Variants in SULF2 observed in about 807,000 individuals in gnomAD.
SULF2 encodes sulfatase 2, also known as extracellular sulfatase Sulf-2.
Under a neutral mutation model 107.7 loss-of-function variants are expected in SULF2, and 52 were observed. The ratio of observed to expected loss-of-function variants is 0.48; its 90% CI spans 0.39 to 0.61. The LOEUF (loss-of-function observed/expected upper bound fraction) is 0.61. SULF2 is among the 20% of genes least tolerant of loss of function. The pLI is 0.00. For synonymous variants in SULF2, 460 were observed against 464.3 expected (o/e 0.99, Z 0.12); for missense variants, 993 against 1,177.3 (o/e 0.84, Z 2.29).
At position 47,678,726 on chromosome 20, in the gene SULF2, C is replaced by G; in HGVS notation, c.1143G>C (p.Met381Ile). ...DIAGLDIPAD[M>I]DGKSILKLLD... ...GCAGCTTGAGGATGGATTTCCCGTC[C>G]ATATCCGCAGGTATGTCCAGGCCTG... The change falls in exon 8 of 21, where the codon ATG becomes ATC. Residue 381 changes from methionine (M) to isoleucine (I), a missense_variant. Coordinates refer to ENST00000688720, the MANE Select transcript of SULF2 (RefSeq NM_001387048.1). The surrounding 1 kb of genome is among the most constrained non-coding windows in gnomAD (Gnocchi z 4.5). 6.2e-7 allele frequency: 1 copy of G among 1,614,050 alleles called. No individual in the cohort carries two copies. Among genetic ancestry groups the G allele is most frequent in the Non-Finnish European group, 8.5e-7 (1 of 1,180,022 alleles).
intron 11 of SULF2, among the ~76,000 whole-genome samples, chr20:47,669,883 G>A (rs922858300): frequency 7.2e-5 from 11 of 152,214 alleles, no homozygotes; most frequent in Non-Finnish European, 1.5e-4. Flanking sequence ...AAAGATTATC[G>A]ACTGTGCCAC....
chr20:47,701,846 C>T (rs1034835769), intron 4 of SULF2, among the ~76,000 whole-genome samples: 21 of 151,990 alleles, frequency 1.4e-4, no homozygotes, highest in East Asian at 1.2e-3. Flanking sequence ...GGTGTCGAGT[C>T]GGGGGAATTC....
chr20:47,729,085 T>C (rs1410765200), intron 3 of SULF2, among the ~76,000 whole-genome samples: 1 of 152,162 alleles, frequency 6.6e-6, no homozygotes, highest in Non-Finnish European at 1.5e-5. Context: ...AAGGAAGGCT[T>C]CTTTGAGGAG....
chr20:47,728,644 TTTTA>T (rs142924006), intron 3 of SULF2, among the ~76,000 whole-genome samples: 15,806 of 152,040 alleles, frequency 0.1, 841 homozygotes, highest in African/African-American at 0.13. Flanking sequence ...GGAGCTGGCA[TTTTA>T]TTTATTTATT....
At chr20:47,704,394 T>C (rs2088663270) in intron 3 of SULF2, among the ~76,000 whole-genome samples, 1 of 151,960 alleles carries the variant, frequency 6.6e-6, no homozygotes, top group Non-Finnish European at 1.5e-5. Flanking sequence ...CACCTCATCC[T>C]CCCGAGTAGC....
At chr20:47,684,380 G>A (rs117775740) in intron 6 of SULF2, 51 bp downstream of exon 6, 34,642 of 1,547,352 alleles carry the variant, frequency 0.022, 446 homozygotes, top group Non-Finnish European at 0.028. Flanking sequence ...GCCCTGGCCT[G>A]GCTGGGGGTT....
chr20:47,672,350 T>G lies in SULF2; in HGVS notation c.1424A>C (p.His475Pro). The part of the protein sequence containing the change: ...VEDATGKLKL[H>P]KCKGPMRLGG... ...CAGCCGCATGGGGCCCTTGCACTTATGCAGCTTCAGCTTCCCCGTGGCGTC... is the reference window on the plus strand; with the variant it reads ...CAGCCGCATGGGGCCCTTGCACTTAGGCAGCTTCAGCTTCCCCGTGGCGTC... The change falls in exon 11 of 21, where the codon CAT becomes CCT. Residue 475 changes from histidine to proline, a missense_variant. Coordinates refer to ENST00000688720, the MANE Select transcript of SULF2 (RefSeq NM_001387048.1). 6.2e-7 allele frequency: 1 copy of G among 1,613,064 alleles called. No individual in the cohort carries two copies. The highest frequency in any genetic ancestry group is 1.1e-5 in the South Asian group (1 of 91,080).
intron 1 of SULF2, among the ~76,000 whole-genome samples, chr20:47,781,846 C>T (rs2090838967): frequency 6.6e-6 from 1 of 152,158 alleles, no homozygotes; most frequent in South Asian, 2.1e-4. Context: ...ACGGTGCCCA[C>T]AGCTGCCAGG....
At chr20:47,713,022 C>T (rs909114777) in intron 3 of SULF2, among the ~76,000 whole-genome samples, 37 of 151,882 alleles carry the variant, frequency 2.4e-4, no homozygotes, top group Non-Finnish European at 4.4e-5. Context: ...GCCTGGGTAA[C>T]AGAGCCAGAC....
At chr20:47,676,722 G>A (rs1462022531) in intron 9 of SULF2, 99 bp from the exon 10 acceptor site, 20 of 1,457,490 alleles carry the variant, frequency 1.4e-5, no homozygotes, top group East Asian at 5.0e-5. Context: ...CCTCGGCTCC[G>A]GCTTTTCCTC....
At chr20:47,707,687 A>T (rs2088793928) in intron 3 of SULF2, among the ~76,000 whole-genome samples, 1 of 152,136 alleles carries the variant, frequency 6.6e-6, no homozygotes, top group African/African-American at 2.4e-5. Context: ...CCTTTTAAAA[A>T]GCAACTCCTT....
chr20:47,717,984 A>AT (rs756817787), intron 3 of SULF2, among the ~76,000 whole-genome samples: 9 of 151,740 alleles, frequency 5.9e-5, no homozygotes, highest in Non-Finnish European at 1.0e-4. Flanking sequence ...TGCCCAGCTA[A>AT]TTTTTTGTAT....
Position 47,712,585 on chromosome 20 carries a change from A to T in SULF2, c.416-9915T>A, listed in dbSNP as rs376782990. On this transcript the variant is annotated intron_variant, in intron 3 of 20. Coordinates refer to ENST00000688720, the MANE Select transcript of SULF2 (RefSeq NM_001387048.1). ...AGCCCCAGCGCAGTACCTGGCCCAG[A>T]GTGTGCACACGGTGAGCAGTGGCCG... Among the ~76,000 whole-genome samples, 355 of 152,258 alleles carry T rather than the reference A, an allele frequency of 2.3e-3. 1 individual carries two copies. The highest frequency in any genetic ancestry group is 8.1e-3 in the African/African-American group (336 of 41,546).
chr20:47,673,998 C>T (rs897404682), intron 10 of SULF2, among the ~76,000 whole-genome samples: 7 of 152,362 alleles, frequency 4.6e-5, no homozygotes, highest in African/African-American at 1.2e-4. Flanking sequence ...AGCTGGGGCA[C>T]GACTTGAGGG....
At chr20:47,768,058 C>T (rs777429144) in intron 1 of SULF2, among the ~76,000 whole-genome samples, 7 of 152,336 alleles carry the variant, frequency 4.6e-5, no homozygotes, top group African/African-American at 1.2e-4. Context: ...GCCTCAGTGA[C>T]GGGCCAGAGT....
At chr20:47,761,027 T>C (rs1242634147) in intron 1 of SULF2, among the ~76,000 whole-genome samples, 1 of 152,180 alleles carries the variant, frequency 6.6e-6, no homozygotes, top group Non-Finnish European at 1.5e-5. Context: ...GTGAAATGGG[T>C]GTGCAGGATT....
At chr20:47,751,943 G>C (rs1176656476) in intron 2 of SULF2, among the ~76,000 whole-genome samples, 1 of 152,254 alleles carries the variant, frequency 6.6e-6, no homozygotes, top group Admixed American at 6.5e-5. Flanking sequence ...AAGAACCCAT[G>C]CCAAACTTGA....
chr20:47,748,454 A>C (rs780076367), intron 2 of SULF2, among the ~76,000 whole-genome samples: 2 of 152,132 alleles, frequency 1.3e-5, no homozygotes, highest in African/African-American at 2.4e-5. Context: ...GCCCACAAAT[A>C]TCTCTTTCTC....
Position 47,666,607 on chromosome 20 carries a change from C to G in SULF2, c.1577-119G>C. 1 of 801,858 alleles carries G rather than the reference C, an allele frequency of 1.2e-6. No homozygotes were observed. The highest frequency in any genetic ancestry group is 2.0e-6 in the Non-Finnish European group (1 of 504,488). The allele number at this position is 801,858 out of a possible 1,614,324, so 49.7% of individuals were successfully genotyped here. On this transcript the variant is annotated intron_variant, in intron 11 of 20. Coordinates refer to ENST00000688720, the MANE Select transcript of SULF2 (RefSeq NM_001387048.1). The surrounding 1 kb of genome is among the most constrained non-coding windows in gnomAD (Gnocchi z 5.4). Reference sequence around the variant, plus strand: ...TTCCAAGCATGAGGCTCAGCTTTGCCTGCGACTCGAGGGGTCGTGGAATCT... The same window carrying G: ...TTCCAAGCATGAGGCTCAGCTTTGCGTGCGACTCGAGGGGTCGTGGAATCT...
Sources: gnomAD v4.1 joint callset for allele counts (sites outside exome capture counted in the v4.1 genomes callset) on GRCh38, gnomAD v4.1.1 for gene constraint, Gnocchi (gnomAD v3.1) non-coding constraint, MANE v1.5 for transcripts, NCBI Gene and HGNC (gene_info 2026-07-23, HGNC 2026-07-21) for gene names.